MAP2: variants seen among roughly 807,000 people sequenced by gnomAD.
MAP2 encodes microtubule-associated protein 2.
Under a neutral mutation model 137.6 loss-of-function variants are expected in MAP2, and 14 were observed. The observed-to-expected ratio is 0.10, with a 90% CI of 0.07 to 0.16. MAP2 has a LOEUF of 0.16. Among genes scored for constraint, MAP2 ranks in the 10% least tolerant of loss-of-function variants. MAP2 has a pLI of 1.00. For missense variants in MAP2, 2,088 were observed against 2,191.5 expected, an observed-to-expected ratio of 0.95 and a Z score of 0.94; for synonymous variants, 786 against 782.3, an observed-to-expected ratio of 1.00 and a Z score of -0.08.
intron 3 of MAP2, among the ~76,000 whole-genome samples, chr2:209,615,342 A>C (rs955921099): frequency 2.1e-4 from 32 of 152,158 alleles, no homozygotes; most frequent in Admixed American, 9.8e-4. Flanking sequence ...AGACAACCTC[A>C]TGTCTTAAGA....
intron 4 of MAP2, among the ~76,000 whole-genome samples, chr2:209,636,513 G>A (rs991995815): frequency 2.0e-5 from 3 of 151,484 alleles, no homozygotes; most frequent in Non-Finnish European, 2.9e-5. Flanking sequence ...TATTTTAAAA[G>A]CAAGGGGGAT....
chr2:209,647,343 C>T (rs2094483442), intron 4 of MAP2, among the ~76,000 whole-genome samples: 1 of 152,092 alleles, frequency 6.6e-6, no homozygotes, highest in Non-Finnish European at 1.5e-5. Context: ...GTACCAAAAC[C>T]TTTTAATCAA....
chr2:209,438,022 T>C lies in MAP2; in HGVS notation c.-222+13746T>C, dbSNP rs936340598. Among the ~76,000 whole-genome samples, 4 of 151,580 alleles carry C rather than the reference T, an allele frequency of 2.6e-5. No homozygotes were observed. The East Asian group carries it at 7.7e-4, about 29-fold the overall frequency. ...ATTTCAACAAATATTATTGCCTAGG[T>C]GCAATTGCAAGGAAAGTACAATAGG... On this transcript the variant is annotated intron_variant, in intron 1 of 15. Transcript: ENST00000682079.
At chr2:209,716,105 C>T (rs1429031621) in intron 13 of MAP2, among the ~76,000 whole-genome samples, 1 of 152,146 alleles carries the variant, frequency 6.6e-6, no homozygotes, top group Non-Finnish European at 1.5e-5. Context: ...GTTGTTTGCT[C>T]TATCTGATGT....
At chr2:209,438,999 C>T (rs1225508034) in intron 1 of MAP2, among the ~76,000 whole-genome samples, 1 of 151,342 alleles carries the variant, frequency 6.6e-6, no homozygotes, top group Non-Finnish European at 1.5e-5. Context: ...TTAAAAATAA[C>T]ATACTGATTT....
chr2:209,550,209 C>T (rs2068889073), intron 2 of MAP2, among the ~76,000 whole-genome samples: 1 of 152,128 alleles, frequency 6.6e-6, no homozygotes, highest in Admixed American at 6.5e-5. Flanking sequence ...TATTTAAAAA[C>T]AACATCCTGG....
intron 1 of MAP2, 49 bp downstream of exon 1, chr2:209,424,325 T>G (rs1274915527): frequency 1.3e-5 from 2 of 152,228 alleles, no homozygotes; most frequent in African/African-American, 4.8e-5. Flanking sequence ...CCTCTCCTTT[T>G]GCCTCGGTCT....
At position 209,694,928 on chromosome 2, in the gene MAP2, G is replaced by A; in HGVS notation, c.2758G>A (p.Ala920Thr). 3.1e-6 allele frequency: 5 copies of A among 1,614,160 alleles called. No homozygotes were observed. The highest frequency in any genetic ancestry group is 4.2e-6 in the Non-Finnish European group (5 of 1,180,024). Residue 920 changes from alanine to threonine, a missense_variant, in exon 8 of 16, where the codon GCA becomes ACA. Around this residue, in one of 6 missense-constraint regions of MAP2, gnomAD observed 500 missense variants for 482.9 expected, o/e 1.04. Transcript: ENST00000682079. ...CCTTTCACTGATTGAAGTGAAACTG[G>A]CAGCAGCCGGAAGAGTCAAAGATGA... ...TDLSLIEVKL[A>T]AAGRVKDEFS...
At chr2:209,625,391 G>A (rs951919070) in intron 4 of MAP2, among the ~76,000 whole-genome samples, 6 of 152,178 alleles carry the variant, frequency 3.9e-5, no homozygotes, top group Non-Finnish European at 8.8e-5. Context: ...AATTCAGCCT[G>A]TCTCTCCTGC....
intron 2 of MAP2, among the ~76,000 whole-genome samples, chr2:209,521,543 A>T: frequency 6.6e-6 from 1 of 150,790 alleles, no homozygotes; most frequent in Non-Finnish European, 1.5e-5. Context: ...CTTCTTGTAA[A>T]CTCTTTAATC....
rs1400573671 is a variant in MAP2, at chr2:209,694,942, A to G, written c.2772A>G (p.Arg924=). The part of the protein sequence containing the change: ...LIEVKLAAAG[R]VKDEFSVDKE... Reference sequence around the variant, plus strand: ...AAGTGAAACTGGCAGCAGCCGGAAGAGTCAAAGATGAGTTCAGTGTTGACA... The same window carrying G: ...AAGTGAAACTGGCAGCAGCCGGAAGGGTCAAAGATGAGTTCAGTGTTGACA... The change falls in exon 8 of 16, where the codon AGA becomes AGG. Residue 924 remains arginine, a synonymous_variant. Transcript: ENST00000682079. 1 of 1,614,092 alleles carries G rather than the reference A, an allele frequency of 6.2e-7. No individual in the cohort carries two copies. Among genetic ancestry groups the G allele is most frequent in the African/African-American group, 1.3e-5 (1 of 74,948 alleles).
chr2:209,563,003 A>G (rs1263833467), intron 2 of MAP2, among the ~76,000 whole-genome samples: 1 of 152,184 alleles, frequency 6.6e-6, no homozygotes, highest in Non-Finnish European at 1.5e-5. Flanking sequence ...GTACCTGATT[A>G]TTCACATTAT....
At chr2:209,637,040 C>A (rs373362721) in intron 4 of MAP2, among the ~76,000 whole-genome samples, 3 of 152,124 alleles carry the variant, frequency 2.0e-5, no homozygotes, top group Non-Finnish European at 4.4e-5. Flanking sequence ...CTAAAAATCA[C>A]AGAATGCCAA....
At chr2:209,471,550 A>G (rs958602170) in intron 1 of MAP2, among the ~76,000 whole-genome samples, 6 of 152,138 alleles carry the variant, frequency 3.9e-5, no homozygotes, top group African/African-American at 1.2e-4. Context: ...AAAGAAAGCT[A>G]TTATTTCAAA....
intron 3 of MAP2, among the ~76,000 whole-genome samples, chr2:209,594,217 CT>C (rs2153442679): frequency 6.7e-6 from 1 of 149,078 alleles, no homozygotes; most frequent in Non-Finnish European, 1.5e-5. Context: ...AGGGTAAGAT[CT>C]TTGCACATCC....
At chr2:209,655,526 CTAATT>C (rs1302250084) in intron 5 of MAP2, among the ~76,000 whole-genome samples, 2 of 152,192 alleles carry the variant, frequency 1.3e-5, no homozygotes, top group African/African-American at 4.8e-5. Flanking sequence ...TTTCCAAACT[CTAATT>C]TAACAAATAA....
intron 1 of MAP2, among the ~76,000 whole-genome samples, chr2:209,459,196 T>C (rs1702199513): frequency 6.6e-6 from 1 of 152,118 alleles, no homozygotes; most frequent in Non-Finnish European, 1.5e-5. Flanking sequence ...CTTTATTAGC[T>C]CTCATCTTGG....
intron 5 of MAP2, among the ~76,000 whole-genome samples, chr2:209,675,680 AT>A (rs369768374): frequency 5.3e-5 from 8 of 151,884 alleles, no homozygotes; most frequent in African/African-American, 1.9e-4. Flanking sequence ...TCAAAACTGT[AT>A]CCTAAGATAC....
In MAP2 at chr2:209,486,933, T is replaced by C. The variant is rs1026953530; in HGVS notation, c.-221-20659T>C. On this transcript the variant is annotated intron_variant, in intron 1 of 15. Coordinates refer to ENST00000682079, the MANE Select transcript of MAP2 (RefSeq NM_001375505.1). ...TCATAGATTAATATTTTCAGACTTA[T>C]GGGAAACCCTAACTTTTGCTGCAGC... Among the ~76,000 whole-genome samples, 4 of 152,192 alleles carry C rather than the reference T, an allele frequency of 2.6e-5. No homozygotes were observed. In the East Asian group the frequency reaches 5.8e-4, roughly 22 times the overall value.
Sources: allele counts gnomAD v4.1 joint callset (sites outside exome capture counted in the v4.1 genomes callset), GRCh38; gene constraint gnomAD v4.1.1; regional missense constraint gnomAD v4.1.1; transcripts MANE v1.5; gene names NCBI Gene and HGNC (gene_info 2026-07-23, HGNC 2026-07-21).